Variants in MFSD6 observed in about 807,000 individuals in gnomAD.
MFSD6 encodes major facilitator superfamily domain-containing protein 6.
MFSD6 carries 26 observed loss-of-function variants against 56.3 expected under a neutral mutation model. The observed-to-expected ratio is 0.46, with a 90% confidence interval of 0.34 to 0.64. The LOEUF (loss-of-function observed/expected upper bound fraction) is 0.64. Among genes scored for constraint, MFSD6 ranks in the 30% least tolerant of loss-of-function variants. MFSD6 has a pLI of 0.01. For synonymous variants in MFSD6, 331 were observed against 366.9 expected (o/e 0.90, Z 1.12); for missense variants, 750 against 986.2 (o/e 0.76, Z 3.21).
chr2:190,409,062 TAATA>T (rs1317468952), intron 1 of MFSD6, among the ~76,000 whole-genome samples: 1 of 152,112 alleles, frequency 6.6e-6, no homozygotes, highest in East Asian at 1.9e-4. Flanking sequence ...CCTCCCAGGT[TAATA>T]AATACGGAAA....
chr2:190,430,542 G>C (rs1685936010), intron 2 of MFSD6, among the ~76,000 whole-genome samples: 1 of 151,900 alleles, frequency 6.6e-6, no homozygotes, highest in African/African-American at 2.4e-5. Flanking sequence ...AGATCAACAG[G>C]ATCCCAAGGC....
chr2:190,497,117 T>A lies in MFSD6; in HGVS notation c.1892-322T>A, dbSNP rs887848039. 6.6e-6 allele frequency among the ~76,000 whole-genome samples: 1 copy of A among 152,210 alleles called. No individual in the cohort carries two copies. The highest frequency in any genetic ancestry group is 6.5e-5 in the Admixed American group (1 of 15,282). ...TTTTCCTGTTTTGACGTCTTTTTAA[T>A]CATAATCCTGTAAATGGGCCTAAGG... On this transcript the variant is annotated intron_variant, in intron 6 of 7. Coordinates refer to ENST00000392328, the MANE Select transcript of MFSD6 (RefSeq NM_017694.4). The surrounding 1 kb of genome is among the most constrained non-coding windows in gnomAD (Gnocchi z 5.2).
chr2:190,473,929 G>C (rs1688115851), intron 4 of MFSD6, among the ~76,000 whole-genome samples: 1 of 152,072 alleles, frequency 6.6e-6, no homozygotes, highest in Non-Finnish European at 1.5e-5. Flanking sequence ...AACTGCTCAA[G>C]TACATGGAAA....
At chr2:190,482,903 T>G (rs11684048) in intron 4 of MFSD6, among the ~76,000 whole-genome samples, 38,518 of 85,720 alleles carry the variant, frequency 0.45, 11,758 homozygotes, top group Middle Eastern at 0.53. Flanking sequence ...TTTTTTTTTT[T>G]AGACGGAGTC....
chr2:190,478,004 A>G (rs922547431), intron 4 of MFSD6, among the ~76,000 whole-genome samples: 1 of 152,180 alleles, frequency 6.6e-6, no homozygotes, highest in Admixed American at 6.5e-5. Flanking sequence ...TTCAGGGAGC[A>G]TAAGTGGTGT....
intron 2 of MFSD6, among the ~76,000 whole-genome samples, chr2:190,427,654 T>A (rs907696912): frequency 2.0e-5 from 3 of 152,114 alleles, no homozygotes; most frequent in Non-Finnish European, 1.5e-5. Flanking sequence ...TTGTCTAGGG[T>A]TTTTAGTTGT....
chr2:190,449,862 T>TGTGGG (rs1686711856), intron 3 of MFSD6, among the ~76,000 whole-genome samples: 1 of 150,610 alleles, frequency 6.6e-6, no homozygotes, highest in East Asian at 2.0e-4. Context: ...TGGGGACTGT[T>TGTGGG]GTGGGGTGGG....
rs1375898592 is a variant in MFSD6, at chr2:190,411,486, A to G, written c.-176+2983A>G. 5 of 985,312 alleles carry G rather than the reference A, an allele frequency of 5.1e-6. No homozygotes were observed. The African/African-American group carries it at 7.0e-5, about 14-fold the overall frequency. The allele number at this position is 985,312 out of a possible 1,614,324, so 61.0% of individuals were successfully genotyped here. Reference sequence around the variant, plus strand: ...AGTGGCTATCTTCAGGAAGTGAGACAAGATGGAGAAAAGAGGATGTTTTTG... The same window carrying G: ...AGTGGCTATCTTCAGGAAGTGAGACGAGATGGAGAAAAGAGGATGTTTTTG... On this transcript the variant is annotated intron_variant, in intron 1 of 7. Transcript: ENST00000392328.
upstream of MFSD6, chr2:190,408,249 G>C (rs1690383391): frequency 6.6e-6 from 1 of 151,976 alleles, no homozygotes; most frequent in South Asian, 2.1e-4. Context: ...AGCCGCAGCG[G>C]GAGAGAAGGT....
In MFSD6 at chr2:190,436,051, AT is replaced by A; in HGVS notation, c.23del (p.Ile8ThrfsTer2). ...AGCCATGGCAGATGATAAAGTTGCT[AT>A]CTTAACGGATGATGAAGAGGAACAG... MADDKVA[I>X]LTDDEEEQKR... On this transcript the variant is annotated frameshift_variant, in exon 3 of 8. Transcript: ENST00000392328. LOFTEE classifies it high-confidence loss of function. The surrounding 1 kb of genome is among the most constrained non-coding windows in gnomAD (Gnocchi z 5.3). 1 of 1,613,024 alleles carries A rather than the reference AT, an allele frequency of 6.2e-7. No homozygotes were observed. The highest frequency in any genetic ancestry group is 8.5e-7 in the Non-Finnish European group (1 of 1,179,176).
chr2:190,495,117 A>G lies in MFSD6; in HGVS notation c.1892-2322A>G, dbSNP rs1007707230. Among the ~76,000 whole-genome samples the G allele has an allele frequency of 5.3e-5, 8 of 152,184 alleles. No homozygotes were observed. Among genetic ancestry groups the G allele is most frequent in the Non-Finnish European group, 1.2e-4 (8 of 68,030 alleles). On this transcript the variant is annotated intron_variant, in intron 6 of 7. Coordinates refer to ENST00000392328, the MANE Select transcript of MFSD6 (RefSeq NM_017694.4). The surrounding 1 kb of genome is among the most constrained non-coding windows in gnomAD (Gnocchi z 4.7). Reference sequence around the variant, plus strand: ...TAGAAAACCCTAAAGACTCCTCCTAAAAGCTCTTAGAACTGATAAATGAAT... The same window carrying G: ...TAGAAAACCCTAAAGACTCCTCCTAGAAGCTCTTAGAACTGATAAATGAAT...
In MFSD6 at chr2:190,489,879, ATTCT is replaced by A. The variant is rs968468270; in HGVS notation, c.1891+19_1891+22del. The A allele has an allele frequency of 3.7e-6, 6 of 1,608,530 alleles. No individual in the cohort carries two copies. In the African/African-American group the frequency reaches 8.0e-5, roughly 22 times the overall value. On this transcript the variant is annotated intron_variant, in intron 6 of 7. Transcript: ENST00000392328. The surrounding 1 kb of genome is among the most constrained non-coding windows in gnomAD (Gnocchi z 6.6). ...GATGAGGAAGAAGGTAATTATTTCC[ATTCT>A]TTCTTAATATTCCTAACAGTTCAGG...
chr2:190,442,053 CA>C (rs1686399285), intron 3 of MFSD6, among the ~76,000 whole-genome samples: 1 of 151,980 alleles, frequency 6.6e-6, no homozygotes, highest in Non-Finnish European at 1.5e-5. Flanking sequence ...GATTAAAAAG[CA>C]AAAAGATGGT....
rs1414835229 is a variant in MFSD6, at chr2:190,416,060, C to T, written c.-54+647C>T. Among the ~76,000 whole-genome samples, 1 of 152,130 alleles carries T rather than the reference C, an allele frequency of 6.6e-6. No individual in the cohort carries two copies. The highest frequency in any genetic ancestry group is 1.5e-5 in the Non-Finnish European group (1 of 68,038). ...GTAGAAGGAAATGAAGTTCTGGGGC[C>T]TGCTTCAAATTTATATTATAAATTA... On this transcript the variant is annotated intron_variant, in intron 2 of 7. Transcript: ENST00000392328. The surrounding 1 kb of genome is among the most constrained non-coding windows in gnomAD (Gnocchi z 4.1).
intron 3 of MFSD6, among the ~76,000 whole-genome samples, chr2:190,466,865 C>A (rs1687633283): frequency 1.3e-5 from 2 of 152,144 alleles, no homozygotes; most frequent in African/African-American, 4.8e-5. Flanking sequence ...CAATCTGAGA[C>A]CTAAGGGTCC....
chr2:190,449,373 C>A (rs373143443), intron 3 of MFSD6, among the ~76,000 whole-genome samples: 4 of 152,018 alleles, frequency 2.6e-5, no homozygotes, highest in African/African-American at 9.7e-5. Flanking sequence ...ACTTGGGAGG[C>A]TGAGGCAGGA....
In MFSD6 at chr2:190,477,739, C is replaced by T. The variant is rs112481841; in HGVS notation, c.1630+7884C>T. ...AGCCAGATGTGTAAACACATAATAA[C>T]TATACAGCATGTTAGATGGAATCAT... On this transcript the variant is annotated intron_variant, in intron 4 of 7. Coordinates refer to ENST00000392328, the MANE Select transcript of MFSD6 (RefSeq NM_017694.4). 6.1e-3 allele frequency among the ~76,000 whole-genome samples: 923 copies of T among 152,286 alleles called. 11 individuals carry two copies. The highest frequency in any genetic ancestry group is 0.021 in the African/African-American group (888 of 41,532).
In MFSD6 at chr2:190,451,747, A is replaced by G. The variant is rs1352398442; in HGVS notation, c.1532+14186A>G. 6.6e-6 allele frequency among the ~76,000 whole-genome samples: 1 copy of G among 152,176 alleles called. No individual in the cohort carries two copies. Among genetic ancestry groups the G allele is most frequent in the African/African-American group, 2.4e-5 (1 of 41,440 alleles). ...ACCACACATGTGAATGGCCAGGGAG[A>G]GGGTAATAAAAGGACACCAGTGCAC... On this transcript the variant is annotated intron_variant, in intron 3 of 7. Coordinates refer to ENST00000392328, the MANE Select transcript of MFSD6 (RefSeq NM_017694.4). This position sits in a 1 kb window ranked among gnomAD's most constrained non-coding sequence, Gnocchi z 5.0.
chr2:190,482,698 T>C (rs1460941958), intron 4 of MFSD6, among the ~76,000 whole-genome samples: 1 of 151,988 alleles, frequency 6.6e-6, no homozygotes, highest in East Asian at 1.9e-4. Flanking sequence ...TACATGCCAT[T>C]TATTTCAGTA....
Sources: gnomAD v4.1 joint callset for allele counts (sites outside exome capture counted in the v4.1 genomes callset) on GRCh38, gnomAD v4.1.1 for gene constraint, Gnocchi (gnomAD v3.1) non-coding constraint, MANE v1.5 for transcripts, NCBI Gene and HGNC (gene_info 2026-07-23, HGNC 2026-07-21) for gene names.